QSOX2: variants seen among roughly 807,000 people sequenced by gnomAD.
QSOX2 encodes sulfhydryl oxidase 2.
A neutral mutation model predicts 61.7 loss-of-function variants in QSOX2; 46 were observed. The observed-to-expected ratio is 0.75, with a 90% CI of 0.59 to 0.95. The LOEUF (loss-of-function observed/expected upper bound fraction) is 0.95. Ranked by LOEUF, QSOX2 falls within the 40% of genes least tolerant of loss-of-function variation. The pLI is 0.00. For missense variants in QSOX2, 879 were observed against 918.9 expected (o/e 0.96, Z 0.56); for synonymous variants, 383 against 388.4 (o/e 0.99, Z 0.16).
At position 136,219,092 on chromosome 9, in the gene QSOX2, G is replaced by A. The variant is rs149311869; in HGVS notation, c.894C>T (p.Pro298=). The change falls in exon 7 of 12, where the codon CCC becomes CCT. Residue 298 remains proline, a synonymous_variant. Transcript: ENST00000358701. Reference sequence around the variant, plus strand: ...CTTCTTTGTGTGGCTTTTCAGGCAAGGGAAGCGATTTTTTCCTCACATCCG... The same window carrying A: ...CTTCTTTGTGTGGCTTTTCAGGCAAAGGAAGCGATTTTTTCCTCACATCCG... The part of the protein sequence containing the change: ...SLPDVRKKSL[P]LPEKPHKEEN... 55 of 1,614,012 alleles carry A rather than the reference G, an allele frequency of 3.4e-5. No individual in the cohort carries two copies. The African/African-American group carries it at 6.1e-4, about 18-fold the overall frequency.
chr9:136,241,001 G>A (rs1287300266), intron 1 of QSOX2, among the ~76,000 whole-genome samples: 1 of 152,160 alleles, frequency 6.6e-6, no homozygotes, highest in African/African-American at 2.4e-5. Context: ...CGGCTCCCTG[G>A]ACGTGGCTGT....
intron 9 of QSOX2, among the ~76,000 whole-genome samples, chr9:136,215,880 C>T (rs900072541): frequency 1.1e-4 from 16 of 152,248 alleles, no homozygotes; most frequent in African/African-American, 7.2e-5. Flanking sequence ...TGTCACACGT[C>T]GCAGTCACGT....
At chr9:136,244,367 A>C (rs1055599769) in intron 1 of QSOX2, among the ~76,000 whole-genome samples, 2 of 152,260 alleles carry the variant, frequency 1.3e-5, no homozygotes, top group Non-Finnish European at 2.9e-5. Flanking sequence ...CTAAGAGGAG[A>C]ATGCATTTTA....
chr9:136,209,581 C>A lies in QSOX2; in HGVS notation c.1550-306G>T. ...CAGACCACACCTGTCCCAAACCACC[C>A]AGCACTCCACTTCCAAAACGGAGCA... On this transcript the variant is annotated intron_variant, in intron 11 of 11. Coordinates refer to ENST00000358701, the MANE Select transcript of QSOX2 (RefSeq NM_181701.4). The surrounding 1 kb of genome is among the most constrained non-coding windows in gnomAD (Gnocchi z 5.6). 1.0e-6 allele frequency: 1 copy of A among 985,376 alleles called. No homozygotes were observed. Among genetic ancestry groups the A allele is most frequent in the Non-Finnish European group, 1.2e-6 (1 of 829,916 alleles). The allele number at this position is 985,376 out of a possible 1,614,324, so 61.0% of individuals were successfully genotyped here.
chr9:136,224,735 C>A, intron 3 of QSOX2, 126 bp downstream of exon 3: 1 of 527,454 alleles, frequency 1.9e-6, no homozygotes, highest in Non-Finnish European at 3.4e-6. Flanking sequence ...GGAAAGCAGG[C>A]AGGAAGGTCA....
chr9:136,219,476 C>T (rs1485695003), intron 6 of QSOX2, among the ~76,000 whole-genome samples: 2 of 152,224 alleles, frequency 1.3e-5, no homozygotes, highest in Non-Finnish European at 2.9e-5. Context: ...CCAAGATGAG[C>T]TTTATTCTGA....
chr9:136,211,218 C>A, intron 11 of QSOX2, 46 bp downstream of exon 11: 2 of 1,590,326 alleles, frequency 1.3e-6, no homozygotes, highest in East Asian at 2.2e-5. Context: ...AGGACCAGGG[C>A]CTCCCTCCGC....
In QSOX2 at chr9:136,226,530, G is replaced by A. The variant is rs375010946; in HGVS notation, c.429+244C>T. Among the ~76,000 whole-genome samples, 85 of 152,192 alleles carry A rather than the reference G, an allele frequency of 5.6e-4. 3 individuals are homozygous for A. Among genetic ancestry groups the A allele is most frequent in the African/African-American group, 1.9e-3 (81 of 41,546 alleles). ...TTTCACGCATCCCCTCCATGTGACC[G>A]GGTCTGTGTGAGCGTGGACAGTCCC... On this transcript the variant is annotated intron_variant, in intron 2 of 11. Coordinates refer to ENST00000358701, the MANE Select transcript of QSOX2 (RefSeq NM_181701.4).
At position 136,208,844 on chromosome 9, in the gene QSOX2, T is replaced by C. The variant is rs768336925; in HGVS notation, c.1981A>G (p.Met661Val). The C allele has an allele frequency of 6.2e-7, 1 of 1,614,016 alleles. No homozygotes were observed. Among genetic ancestry groups the C allele is most frequent in the African/African-American group, 1.3e-5 (1 of 75,012 alleles). The change falls in exon 12 of 12, where the codon ATG becomes GTG. Residue 661 changes from methionine (M) to valine (V), a missense_variant. Transcript: ENST00000358701. ...FLGVDFSSLD[M>V]SLCVVLYVAS... is the part of the protein sequence containing the mutation. ...ACGTACAGCACGACACAGAGACTCATGTCCAGGCTGGAGAAGTCAACCCCG... is the reference window on the plus strand; with the variant it reads ...ACGTACAGCACGACACAGAGACTCACGTCCAGGCTGGAGAAGTCAACCCCG...
chr9:136,209,521 G>T lies in QSOX2; in HGVS notation c.1550-246C>A. On this transcript the variant is annotated intron_variant, in intron 11 of 11. Transcript: ENST00000358701. This position sits in a 1 kb window ranked among gnomAD's most constrained non-coding sequence, Gnocchi z 5.6. ...CTGCCGGTTCCCATAGCCTGCAAGT[G>T]AGGAGACGCTACACGCTCGGCCTCC... The T allele has an allele frequency of 1.0e-6, 1 of 985,356 alleles. No homozygotes were observed. The highest frequency in any genetic ancestry group is 1.2e-6 in the Non-Finnish European group (1 of 829,898). The allele number at this position is 985,356 out of a possible 1,614,324, so 61.0% of individuals were successfully genotyped here. A position where few individuals can be genotyped will look rare whatever the true frequency, so the allele number is the denominator to read the frequency against.
intron 1 of QSOX2, among the ~76,000 whole-genome samples, chr9:136,234,742 T>C (rs1830364200): frequency 7.2e-6 from 1 of 139,794 alleles, no homozygotes; most frequent in Non-Finnish European, 1.5e-5. Flanking sequence ...GCAAGGCTGG[T>C]CTCCACAAGG....
rs1302983550 is a variant in QSOX2, at chr9:136,215,293, T to G, written c.1221A>C (p.Ile407=). Residue 407 remains isoleucine, a synonymous_variant, in exon 10 of 12, where the codon ATA becomes ATC. Transcript: ENST00000358701. ...LVNNKMRISG[I]FLTNHIKWVG... ...CCCACTTTATGTGATTAGTAAGGAA[T>G]ATTCCAGAAATCTGAAAAACAAACA... 5 of 1,610,048 alleles carry G rather than the reference T, an allele frequency of 3.1e-6. No individual in the cohort carries two copies. The highest frequency in any genetic ancestry group is 4.2e-6 in the Non-Finnish European group (5 of 1,178,964).
In QSOX2 at chr9:136,209,432, C is replaced by G. The variant is rs985788779; in HGVS notation, c.1550-157G>C. 1 of 985,430 alleles carries G rather than the reference C, an allele frequency of 1.0e-6. No homozygotes were observed. The highest frequency in any genetic ancestry group is 1.2e-6 in the Non-Finnish European group (1 of 829,930). 61.0% of individuals were successfully genotyped at this position (985,430 alleles called of 1,614,324 possible). ...CTCCCTCCCTGCCCTTCCCACCACC[C>G]GTCCCTTGCAGTTCGGCCCAGATAA... On this transcript the variant is annotated intron_variant, in intron 11 of 11. Transcript: ENST00000358701. This position sits in a 1 kb window ranked among gnomAD's most constrained non-coding sequence, Gnocchi z 5.6.
At chr9:136,243,601 C>T (rs998866767) in intron 1 of QSOX2, among the ~76,000 whole-genome samples, 3 of 152,260 alleles carry the variant, frequency 2.0e-5, no homozygotes, top group African/African-American at 4.8e-5. Flanking sequence ...ATCAAATTAA[C>T]GTGACTGCCT....
In QSOX2 at chr9:136,208,402, G is replaced by C. The variant is rs958533297; in HGVS notation, c.*326C>G. 1.9e-5 allele frequency: 4 copies of C among 214,016 alleles called. No homozygotes were observed. The highest frequency in any genetic ancestry group is 9.2e-5 in the African/African-American group (4 of 43,386). The allele number at this position is 214,016 out of a possible 1,614,324, so 13.3% of individuals were successfully genotyped here. A position where few individuals can be genotyped will look rare whatever the true frequency, so the allele number is the denominator to read the frequency against. On this transcript the variant is annotated 3_prime_UTR_variant, in exon 12 of 12. Coordinates refer to ENST00000358701, the MANE Select transcript of QSOX2 (RefSeq NM_181701.4). Reference sequence around the variant, plus strand: ...AAACGAGATGAAAGTGTGTGGGGAAGACTATCTGGCCTGGACTCTGCACCC... The same window carrying C: ...AAACGAGATGAAAGTGTGTGGGGAACACTATCTGGCCTGGACTCTGCACCC...
rs1437971079 is a variant in QSOX2, at chr9:136,218,774, G to C, written c.991C>G (p.Leu331Val). Residue 331 changes from leucine to valine, a missense_variant, in exon 8 of 12, where the codon CTA becomes GTA. By Grantham distance (32) the Leu-to-Val change is conservative. Transcript: ENST00000358701. Reference protein sequence around the residue: ...KLYTVDLESGLHYLLRVELAA... With the variant: ...KLYTVDLESGVHYLLRVELAA... ...AGCTCCACCCGCAGGAGGTAGTGTA[G>C]CCCTGACTCCAGGTCCACCGTGTAC... 2 of 1,613,576 alleles carry C rather than the reference G, an allele frequency of 1.2e-6. No homozygotes were observed. Among genetic ancestry groups the C allele is most frequent in the East Asian group, 4.5e-5 (2 of 44,886 alleles).
chr9:136,230,902 G>A (rs1010280520), intron 1 of QSOX2, among the ~76,000 whole-genome samples: 2 of 152,076 alleles, frequency 1.3e-5, no homozygotes, highest in Admixed American at 1.3e-4. Context: ...CTCCTCCCTG[G>A]TGGAACTCTT....
intron 1 of QSOX2, among the ~76,000 whole-genome samples, chr9:136,243,997 C>T (rs773002057): frequency 1.5e-4 from 23 of 151,914 alleles, no homozygotes; most frequent in Non-Finnish European, 2.8e-4. Context: ...TGTGCTGCTT[C>T]GGTTACAGAA....
intron 2 of QSOX2, 126 bp from the exon 3 acceptor site, chr9:136,225,035 A>C: frequency 1.6e-6 from 1 of 618,484 alleles, no homozygotes; most frequent in Non-Finnish European, 2.8e-6. Context: ...GTTTTCATAA[A>C]TTAATGACAA....
Sources: allele counts gnomAD v4.1 joint callset (sites outside exome capture counted in the v4.1 genomes callset), GRCh38; gene constraint gnomAD v4.1.1; non-coding constraint Gnocchi (gnomAD v3.1); transcripts MANE v1.5; gene names NCBI Gene and HGNC (gene_info 2026-07-23, HGNC 2026-07-21).